Variants in MTUS2 observed in about 807,000 individuals in gnomAD.
MTUS2 encodes microtubule associated scaffold protein 2.
MTUS2 carries 40 observed loss-of-function variants against 114.1 expected under a neutral mutation model. That is an observed-to-expected ratio of 0.35 (90% CI 0.27 to 0.46). The LOEUF is 0.46. Among genes scored for constraint, MTUS2 ranks in the 20% least tolerant of loss-of-function variants. The pLI, the probability that MTUS2 is intolerant of heterozygous loss-of-function variation, is 1.00. For missense variants in MTUS2, 1,679 were observed against 1,705.4 expected (o/e 0.98, Z 0.27); for synonymous variants, 688 against 672.0 (o/e 1.02, Z -0.37).
intron 5 of MTUS2, chr13:29,242,706 TG>T (rs1896773441): frequency 6.6e-6 from 1 of 152,190 alleles, no homozygotes; most frequent in African/African-American, 2.4e-5. Context: ...ATCCTAAAGA[TG>T]AAAAAATAAG....
At chr13:29,455,381 T>A (rs1879029887) in intron 9 of MTUS2, among the ~76,000 whole-genome samples, 1 of 151,958 alleles carries the variant, frequency 6.6e-6, no homozygotes, top group African/African-American at 2.4e-5. Context: ...CCAGTCAGGG[T>A]GGGAAGAGTC....
At chr13:29,111,239 C>T (rs1184891959) in intron 5 of MTUS2, among the ~76,000 whole-genome samples, 1 of 152,198 alleles carries the variant, frequency 6.6e-6, no homozygotes, top group Non-Finnish European at 1.5e-5. Flanking sequence ...GATGCTTTCC[C>T]TCTGGGCCAG....
chr13:29,141,178 A>T (rs1038073127), intron 5 of MTUS2, among the ~76,000 whole-genome samples: 2 of 152,256 alleles, frequency 1.3e-5, no homozygotes, highest in African/African-American at 4.8e-5. Context: ...ATTGTATGAT[A>T]AGCACTGGAA....
intron 5 of MTUS2, among the ~76,000 whole-genome samples, chr13:29,190,170 T>C (rs963014357): frequency 6.6e-6 from 1 of 152,206 alleles, no homozygotes; most frequent in African/African-American, 2.4e-5. Context: ...TATTTCGTTA[T>C]AGCAGCCTAA....
chr13:28,844,639 C>G (rs886460554), intron 2 of MTUS2, among the ~76,000 whole-genome samples: 1 of 134,512 alleles, frequency 7.4e-6, no homozygotes, highest in Non-Finnish European at 1.7e-5. Flanking sequence ...GAGAGAGAGA[C>G]GGAGTCTAAC....
At chr13:29,449,286 TATTA>T (rs1566206692) in intron 9 of MTUS2, among the ~76,000 whole-genome samples, 11 of 151,970 alleles carry the variant, frequency 7.2e-5, no homozygotes, top group African/African-American at 2.4e-4. Flanking sequence ...GTTCTTAAGT[TATTA>T]ACTAGCATGC....
chr13:29,082,512 C>A (rs540312386), intron 4 of MTUS2, among the ~76,000 whole-genome samples: 1 of 152,278 alleles, frequency 6.6e-6, no homozygotes, highest in African/African-American at 2.4e-5. Context: ...AAGGGGTGAC[C>A]TCCTCCAGCA....
At chr13:28,869,735 C>T (rs1288456429) in intron 2 of MTUS2, among the ~76,000 whole-genome samples, 3 of 152,136 alleles carry the variant, frequency 2.0e-5, no homozygotes, top group African/African-American at 7.2e-5. Context: ...CACGCCGTTG[C>T]ACACCAGCCT....
intron 4 of MTUS2, among the ~76,000 whole-genome samples, chr13:29,036,085 A>G (rs1887050250): frequency 6.6e-6 from 1 of 150,516 alleles, no homozygotes; most frequent in Non-Finnish European, 1.5e-5. Context: ...CAGAGGCTAC[A>G]GTGAGCCGAG....
intron 2 of MTUS2, among the ~76,000 whole-genome samples, chr13:28,847,606 G>T (rs1875973802): frequency 6.6e-6 from 1 of 152,170 alleles, no homozygotes; most frequent in Non-Finnish European, 1.5e-5. Flanking sequence ...GGGTGGTTTT[G>T]CAGGGAAGGC....
chr13:29,215,848 C>T (rs1895658291), intron 5 of MTUS2, among the ~76,000 whole-genome samples: 2 of 152,160 alleles, frequency 1.3e-5, no homozygotes, highest in Admixed American at 6.5e-5. Flanking sequence ...TCAGGAGGCA[C>T]GGGGGTCAGG....
At chr13:29,305,005 A>G (rs1899378411) in intron 6 of MTUS2, among the ~76,000 whole-genome samples, 1 of 152,210 alleles carries the variant, frequency 6.6e-6, no homozygotes, top group African/African-American at 2.4e-5. Context: ...TAAAAACTAC[A>G]TGGAAATGGA....
chr13:29,004,321 C>T (rs925660498), intron 2 of MTUS2, among the ~76,000 whole-genome samples: 4 of 152,054 alleles, frequency 2.6e-5, no homozygotes, highest in African/African-American at 4.8e-5. Flanking sequence ...AAATGCTGGC[C>T]GTGACTCACT....
chr13:28,894,315 A>AG (rs1566203709), intron 2 of MTUS2, among the ~76,000 whole-genome samples: 1 of 2,748 alleles, frequency 3.6e-4, no homozygotes, highest in Non-Finnish European at 6.7e-4. Context: ...GGGGGGGGGG[A>AG]GGGAGGGAGG....
intron 2 of MTUS2, among the ~76,000 whole-genome samples, chr13:28,868,218 TAGTA>T (rs1333981371): frequency 1.3e-5 from 2 of 152,222 alleles, no homozygotes; most frequent in Non-Finnish European, 2.9e-5. Context: ...CATCGTGATA[TAGTA>T]ATTCATAATT....
intron 2 of MTUS2, among the ~76,000 whole-genome samples, chr13:28,909,711 T>G (rs1415436921): frequency 6.6e-6 from 1 of 152,152 alleles, no homozygotes; most frequent in African/African-American, 2.4e-5. Context: ...ATAAAGGGTA[T>G]TCAATTAGGA....
chr13:29,452,583 T>C (rs1272161244), intron 9 of MTUS2, among the ~76,000 whole-genome samples: 18 of 129,140 alleles, frequency 1.4e-4, no homozygotes, highest in Admixed American at 3.0e-4. Context: ...TATGTGTGTG[T>C]GTGTGTGTGT....
intron 7 of MTUS2, among the ~76,000 whole-genome samples, chr13:29,326,277 C>T (rs1900509877): frequency 1.3e-5 from 2 of 152,196 alleles, no homozygotes; most frequent in Non-Finnish European, 2.9e-5. Flanking sequence ...TGTGCTGCCA[C>T]TGTGCTCTGA....
chr13:29,208,949 G>C (rs1275210903), intron 5 of MTUS2, among the ~76,000 whole-genome samples: 2 of 152,060 alleles, frequency 1.3e-5, no homozygotes, highest in Non-Finnish European at 2.9e-5. Context: ...ATTTTTTCTA[G>C]GGTATAGTTT....
Sources: allele counts gnomAD v4.1 joint callset (sites outside exome capture counted in the v4.1 genomes callset), GRCh38; gene constraint gnomAD v4.1.1; transcripts MANE v1.5; gene names NCBI Gene and HGNC (gene_info 2026-07-23, HGNC 2026-07-21).